TBC1D32: variants seen among roughly 807,000 people sequenced by gnomAD.
The protein encoded by TBC1D32 is protein broad-minded.
In TBC1D32, 151 loss-of-function variants were observed where a neutral mutation model predicts 170.3. The ratio of observed to expected loss-of-function variants is 0.89; its 90% CI spans 0.78 to 1.01. TBC1D32 has a LOEUF of 1.01. Ranked by LOEUF, TBC1D32 falls within the 50% of genes least tolerant of loss-of-function variation. The pLI, the probability that TBC1D32 is intolerant of heterozygous loss-of-function variation, is 0.00. For missense variants in TBC1D32, 1,464 were observed against 1,457.1 expected, an observed-to-expected ratio of 1.00 and a Z score of -0.08; for synonymous variants, 498 against 488.0, an observed-to-expected ratio of 1.02 and a Z score of -0.27.
chr6:121,317,780 A>ATGCTAATG, intron 2 of TBC1D32, 108 bp from the exon 3 acceptor site: 1 of 754,156 alleles, frequency 1.3e-6, no homozygotes, highest in Non-Finnish European at 2.0e-6. Context: ...TCCCTTTAAG[A>ATGCTAATG]ACACAATGCT....
At chr6:121,183,577 T>C (rs1235176240) in intron 22 of TBC1D32, among the ~76,000 whole-genome samples, 1 of 152,098 alleles carries the variant, frequency 6.6e-6, no homozygotes, top group Non-Finnish European at 1.5e-5. Flanking sequence ...CTTATTTCTA[T>C]TAGGCATCTT....
intron 29 of TBC1D32, 36 bp downstream of exon 29, chr6:121,112,469 T>A (rs1562518336): frequency 6.4e-7 from 1 of 1,552,834 alleles, no homozygotes. Flanking sequence ...TTCTTAAAAT[T>A]TCAAACCCTC....
chr6:121,300,979 A>T (rs569790961), intron 9 of TBC1D32, among the ~76,000 whole-genome samples: 1 of 152,328 alleles, frequency 6.6e-6, no homozygotes, highest in African/African-American at 2.4e-5. Context: ...GCAAATCAAA[A>T]CCACAATGAG....
intron 30 of TBC1D32, among the ~76,000 whole-genome samples, chr6:121,092,571 G>T (rs432721): frequency 2.0e-5 from 3 of 151,642 alleles, no homozygotes; most frequent in South Asian, 2.1e-4. Flanking sequence ...AGGCAGGGGG[G>T]GCTTAAACAA....
intron 15 of TBC1D32, among the ~76,000 whole-genome samples, chr6:121,267,620 A>G (rs1009847769): frequency 6.6e-6 from 1 of 152,104 alleles, no homozygotes; most frequent in Non-Finnish European, 1.5e-5. Flanking sequence ...GTGGCTGGAA[A>G]GCTTGAACTG....
At chr6:121,146,578 G>A (rs1783476837) in intron 24 of TBC1D32, among the ~76,000 whole-genome samples, 2 of 152,150 alleles carry the variant, frequency 1.3e-5, no homozygotes, top group Admixed American at 1.3e-4. Context: ...AGTCATCTAG[G>A]AGACTAGAAA....
intron 15 of TBC1D32, among the ~76,000 whole-genome samples, chr6:121,269,870 C>G (rs1304100253): frequency 1.3e-5 from 2 of 152,142 alleles, no homozygotes; most frequent in Non-Finnish European, 2.9e-5. Flanking sequence ...AAGTAAAGCA[C>G]TCCTCAGGAA....
At chr6:121,095,239 T>C (rs1314675748) in intron 30 of TBC1D32, among the ~76,000 whole-genome samples, 2 of 152,156 alleles carry the variant, frequency 1.3e-5, no homozygotes, top group Non-Finnish European at 2.9e-5. Flanking sequence ...ACAGCTTTCC[T>C]AGGCAATTTT....
chr6:121,173,842 C>T (rs1206734892), intron 22 of TBC1D32, among the ~76,000 whole-genome samples: 2 of 151,754 alleles, frequency 1.3e-5, no homozygotes, highest in Admixed American at 6.6e-5. Context: ...TAAGCATAAG[C>T]CTCCTACAAA....
intron 5 of TBC1D32, among the ~76,000 whole-genome samples, chr6:121,305,507 A>C (rs1807196312): frequency 6.6e-6 from 1 of 151,804 alleles, no homozygotes; most frequent in Non-Finnish European, 1.5e-5. Flanking sequence ...ATTAAATAAA[A>C]ACATAAAATT....
At chr6:121,256,610 C>CT (rs1015111479) in intron 15 of TBC1D32, among the ~76,000 whole-genome samples, 3 of 152,060 alleles carry the variant, frequency 2.0e-5, no homozygotes, top group Non-Finnish European at 4.4e-5. Flanking sequence ...ATTCCTAGCA[C>CT]TTATTGACAC....
intron 22 of TBC1D32, among the ~76,000 whole-genome samples, chr6:121,197,519 A>C (rs987343369): frequency 6.6e-6 from 1 of 152,198 alleles, no homozygotes; most frequent in Admixed American, 6.5e-5. Context: ...CACTTGTACT[A>C]AGACATTATC....
At chr6:121,120,321 G>C (rs1562544718) in intron 26 of TBC1D32, among the ~76,000 whole-genome samples, 2 of 152,042 alleles carry the variant, frequency 1.3e-5, no homozygotes, top group African/African-American at 4.8e-5. Flanking sequence ...ATAACAGAGG[G>C]CAGTAACGCA....
At chr6:121,254,938 C>G (rs974982753) in intron 17 of TBC1D32, among the ~76,000 whole-genome samples, 1 of 151,894 alleles carries the variant, frequency 6.6e-6, no homozygotes, top group African/African-American at 2.4e-5. Context: ...GAAATGTACT[C>G]CCACCACTTT....
At chr6:121,092,777 T>C (rs2128177636) in intron 30 of TBC1D32, among the ~76,000 whole-genome samples, 1 of 152,282 alleles carries the variant, frequency 6.6e-6, no homozygotes, top group South Asian at 2.1e-4. Context: ...ACGGTCCAAC[T>C]TAATGACCTC....
intron 24 of TBC1D32, among the ~76,000 whole-genome samples, chr6:121,156,919 T>C (rs528534623): frequency 6.6e-6 from 1 of 152,248 alleles, no homozygotes; most frequent in East Asian, 1.9e-4. Flanking sequence ...ATTTGTTTTA[T>C]GGCCAAGCAT....
chr6:121,114,829 T>C (rs887663267), intron 27 of TBC1D32, among the ~76,000 whole-genome samples: 1 of 152,226 alleles, frequency 6.6e-6, no homozygotes, highest in East Asian at 1.9e-4. Context: ...GGTACTTTTG[T>C]ACTCATCACC....
intron 3 of TBC1D32, among the ~76,000 whole-genome samples, chr6:121,312,798 C>A (rs1188143723): frequency 6.6e-6 from 1 of 152,130 alleles, no homozygotes; most frequent in Non-Finnish European, 1.5e-5. Flanking sequence ...ATGCTGTCAG[C>A]CCACTTGCAT....
chr6:121,296,114 C>T (rs1441437752), intron 10 of TBC1D32, among the ~76,000 whole-genome samples: 3 of 152,150 alleles, frequency 2.0e-5, no homozygotes, highest in African/African-American at 7.2e-5. Context: ...TATAACATTT[C>T]ACATAAGTTG....
Sources: gnomAD v4.1 joint callset for allele counts (sites outside exome capture counted in the v4.1 genomes callset) on GRCh38, gnomAD v4.1.1 for gene constraint, MANE v1.5 for transcripts, NCBI Gene and HGNC (gene_info 2026-07-23, HGNC 2026-07-21) for gene names.